DLGAP1: variants seen among roughly 807,000 people sequenced by gnomAD.
The protein encoded by DLGAP1 is disks large-associated protein 1.
Under a neutral mutation model 90.8 loss-of-function variants are expected in DLGAP1, and 11 were observed. The observed-to-expected ratio is 0.12, with a 90% CI of 0.08 to 0.20. DLGAP1 has a LOEUF of 0.20. DLGAP1 is among the 10% of genes least tolerant of loss of function. The pLI is 1.00. For synonymous variants in DLGAP1, 558 were observed against 540.7 expected, an observed-to-expected ratio of 1.03 and a Z score of -0.44; for missense variants, 1,050 against 1,333.8, an observed-to-expected ratio of 0.79 and a Z score of 3.31.
chr18:4,046,876 G>C (rs1050130810), intron 2 of DLGAP1, among the ~76,000 whole-genome samples: 2 of 152,176 alleles, frequency 1.3e-5, no homozygotes, highest in Non-Finnish European at 2.9e-5. Flanking sequence ...CTTTACCTTT[G>C]CTCTCTAAGC....
rs1210087303 is a variant in DLGAP1 at position 4,342,940 on chromosome 18, T to C, written c.-267+112066A>G. Among the ~76,000 whole-genome samples, 1 of 152,290 alleles carries C rather than the reference T, an allele frequency of 6.6e-6. No individual in the cohort carries two copies. Among genetic ancestry groups the C allele is most frequent in the East Asian group, 1.9e-4 (1 of 5,180 alleles). On this transcript the variant is annotated intron_variant, in intron 1 of 12. Transcript: ENST00000315677. This position sits in a 1 kb window ranked among gnomAD's most constrained non-coding sequence, Gnocchi z 5.8. ...GATGAAGCCAAAATTTTTGGCTTTA[T>C]AAAGCTCACGGATTATTTCAGATTC...
chr18:4,175,967 G>A (rs1429315700), intron 1 of DLGAP1, among the ~76,000 whole-genome samples: 1 of 152,210 alleles, frequency 6.6e-6, no homozygotes, highest in East Asian at 1.9e-4. Flanking sequence ...TGCGAAGAAA[G>A]TCAGTGGTAG....
intron 2 of DLGAP1, among the ~76,000 whole-genome samples, chr18:4,122,983 G>T (rs567411944): frequency 6.6e-6 from 1 of 152,116 alleles, no homozygotes; most frequent in African/African-American, 2.4e-5. Context: ...TTGCCCCAAG[G>T]GTAAGAACTG....
At position 3,665,135 on chromosome 18, in the gene DLGAP1, A is replaced by G. The variant is rs1077850; in HGVS notation, c.1591+64000T>C. 2.9e-3 allele frequency among the ~76,000 whole-genome samples: 435 copies of G among 152,326 alleles called. 1 individual carries two copies. Among genetic ancestry groups the G allele is most frequent in the African/African-American group, 9.7e-3 (402 of 41,570 alleles). On this transcript the variant is annotated intron_variant, in intron 7 of 12. Transcript: ENST00000315677. Reference sequence around the variant, plus strand: ...AAAAAAGTAATTAGTGCCTGTTCACATTTATGTCTTTAGTTGGAAATTAGG... The same window carrying G: ...AAAAAAGTAATTAGTGCCTGTTCACGTTTATGTCTTTAGTTGGAAATTAGG...
intron 2 of DLGAP1, among the ~76,000 whole-genome samples, chr18:4,025,202 A>G (rs1211898147): frequency 1.3e-5 from 2 of 152,206 alleles, no homozygotes; most frequent in Non-Finnish European, 2.9e-5. Flanking sequence ...TGCACTCTAC[A>G]CTGAGTATTT....
rs548419390 is a variant in DLGAP1, at chr18:3,803,407, A to C, written c.1172+10652T>G. ...AAGGCACAAACCCCAGGAGGAGGCC[A>C]GTCTTCTCAGGCACTTGTACCCACA... On this transcript the variant is annotated intron_variant, in intron 5 of 12. Transcript: ENST00000315677. Among the ~76,000 whole-genome samples, 5 of 152,328 alleles carry C rather than the reference A, an allele frequency of 3.3e-5. No homozygotes were observed. In the East Asian group the frequency reaches 7.7e-4, roughly 23 times the overall value.
chr18:4,410,165 GA>G (rs2082746150), intron 1 of DLGAP1, among the ~76,000 whole-genome samples: 1 of 152,146 alleles, frequency 6.6e-6, no homozygotes, highest in African/African-American at 2.4e-5. Flanking sequence ...AAGAGTGGGA[GA>G]GGGGCAAAGG....
chr18:4,435,951 A>G (rs1405086425), intron 1 of DLGAP1, among the ~76,000 whole-genome samples: 2 of 152,206 alleles, frequency 1.3e-5, no homozygotes, highest in Non-Finnish European at 2.9e-5. Context: ...CACAGGTGTC[A>G]CAAATTAGAC....
intron 3 of DLGAP1, among the ~76,000 whole-genome samples, chr18:4,000,912 C>T (rs2074171342): frequency 6.6e-6 from 1 of 152,126 alleles, no homozygotes; most frequent in South Asian, 2.1e-4. Flanking sequence ...GCCAGTTTTA[C>T]CAGGTACGTC....
At chr18:4,059,248 G>T (rs77471091) in intron 2 of DLGAP1, among the ~76,000 whole-genome samples, 2 of 152,104 alleles carry the variant, frequency 1.3e-5, no homozygotes, top group South Asian at 2.1e-4. Flanking sequence ...GGAAATAAGA[G>T]GGCTGCCCTT....
intron 1 of DLGAP1, among the ~76,000 whole-genome samples, chr18:4,346,868 T>C (rs192459653): frequency 3.9e-5 from 6 of 152,068 alleles, no homozygotes; most frequent in Admixed American, 3.9e-4. Context: ...AAAGTAAAAA[T>C]TAATGCTCAG....
chr18:3,614,607 G>A (rs543136188), intron 7 of DLGAP1, among the ~76,000 whole-genome samples: 207 of 150,908 alleles, frequency 1.4e-3, no homozygotes, highest in Non-Finnish European at 2.8e-3. Context: ...TTGGGAGGCC[G>A]AGGTGGGCGG....
intron 2 of DLGAP1, among the ~76,000 whole-genome samples, chr18:4,101,140 T>C (rs2075772340): frequency 6.6e-6 from 1 of 152,256 alleles, no homozygotes; most frequent in African/African-American, 2.4e-5. Context: ...CTCAGCTTTT[T>C]ACGTGGCTTC....
At chr18:4,236,469 C>T (rs1233601616) in intron 1 of DLGAP1, among the ~76,000 whole-genome samples, 2 of 152,144 alleles carry the variant, frequency 1.3e-5, no homozygotes, top group African/African-American at 2.4e-5. Context: ...GCTTTTACAC[C>T]TCTTCCTCAC....
At chr18:3,669,881 A>C (rs755510159) in intron 7 of DLGAP1, among the ~76,000 whole-genome samples, 1 of 152,060 alleles carries the variant, frequency 6.6e-6, no homozygotes, top group Non-Finnish European at 1.5e-5. Context: ...AACTAAAAGA[A>C]CACCCTGCGA....
chr18:3,533,882 G>A (rs1323729755), intron 10 of DLGAP1, among the ~76,000 whole-genome samples: 1 of 152,130 alleles, frequency 6.6e-6, no homozygotes, highest in Admixed American at 6.5e-5. Context: ...GATCATCTTG[G>A]AGAAGAGGGA....
chr18:4,184,950 C>T (rs555599626), intron 1 of DLGAP1, among the ~76,000 whole-genome samples: 2 of 152,196 alleles, frequency 1.3e-5, no homozygotes, highest in African/African-American at 4.8e-5. Context: ...CTTTGATGTT[C>T]TATGAACACT....
chr18:3,990,628 TATAATAATA>T (rs77930009), intron 3 of DLGAP1, among the ~76,000 whole-genome samples: 222 of 143,248 alleles, frequency 1.5e-3, no homozygotes, highest in Non-Finnish European at 2.2e-3. Context: ...AAACTTAAAA[TATAATAATA>T]ATAATAATAA....
intron 3 of DLGAP1, among the ~76,000 whole-genome samples, chr18:3,886,280 T>C (rs891237011): frequency 3.9e-5 from 6 of 152,176 alleles, no homozygotes; most frequent in African/African-American, 1.4e-4. Context: ...AAATTTCTTT[T>C]TTGAATTTTT....
Sources: allele counts gnomAD v4.1 joint callset (sites outside exome capture counted in the v4.1 genomes callset), GRCh38; gene constraint gnomAD v4.1.1; non-coding constraint Gnocchi (gnomAD v3.1); transcripts MANE v1.5; gene names NCBI Gene and HGNC (gene_info 2026-07-23, HGNC 2026-07-21).